The following CDH18 variants were observed in gnomAD, a reference collection of about 807,000 sequenced individuals.
CDH18 encodes the protein cadherin-18.
In CDH18, 31 loss-of-function variants were observed where a neutral mutation model predicts 67.9. That is an observed-to-expected ratio of 0.46 (90% CI 0.34 to 0.62). The LOEUF is 0.62. Among genes scored for constraint, CDH18 ranks in the 20% least tolerant of loss-of-function variants. The pLI, the probability that CDH18 is intolerant of heterozygous loss-of-function variation, is 0.01. For synonymous variants in CDH18, 362 were observed against 347.2 expected, an observed-to-expected ratio of 1.04 and a Z score of -0.48; for missense variants, 890 against 975.5, an observed-to-expected ratio of 0.91 and a Z score of 1.17.
intron 1 of CDH18, among the ~76,000 whole-genome samples, chr5:20,282,707 G>A (rs983316494): frequency 2.0e-5 from 3 of 152,024 alleles, no homozygotes; most frequent in Admixed American, 6.6e-5. Flanking sequence ...CCAGGCTTTG[G>A]TATCAGGATG....
intron 4 of CDH18, among the ~76,000 whole-genome samples, chr5:19,732,898 A>C (rs1422736488): frequency 6.6e-6 from 1 of 152,118 alleles, no homozygotes; most frequent in South Asian, 2.1e-4. Flanking sequence ...CAGGCTGTCA[A>C]ACTTTAAATG....
intron 9 of CDH18, among the ~76,000 whole-genome samples, chr5:19,541,210 C>A (rs974482439): frequency 2.0e-5 from 3 of 152,156 alleles, no homozygotes; most frequent in African/African-American, 7.2e-5. Flanking sequence ...GAGATCACAT[C>A]AGCCTGGACT....
chr5:20,471,706 G>A (rs1752087902), intron 1 of CDH18, among the ~76,000 whole-genome samples: 5 of 151,472 alleles, frequency 3.3e-5, no homozygotes, highest in Admixed American at 3.3e-4. Context: ...GGATGCTGAG[G>A]CAGGAGAATA....
chr5:19,743,442 G>A (rs896681527), intron 4 of CDH18, among the ~76,000 whole-genome samples: 1 of 151,984 alleles, frequency 6.6e-6, no homozygotes, highest in African/African-American at 2.4e-5. Flanking sequence ...GTGGGCCAGC[G>A]ATATGACCTT....
chr5:19,705,986 AAGC>A, intron 5 of CDH18, among the ~76,000 whole-genome samples: 1 of 152,152 alleles, frequency 6.6e-6, no homozygotes, highest in Non-Finnish European at 1.5e-5. Context: ...AGTAATGGTA[AAGC>A]TTCTTATTCT....
intron 2 of CDH18, among the ~76,000 whole-genome samples, chr5:19,848,654 T>G (rs1025674561): frequency 2.0e-5 from 3 of 151,918 alleles, no homozygotes; most frequent in Non-Finnish European, 4.4e-5. Context: ...TAAAAGTCAT[T>G]CTAGCTTCCA....
chr5:19,509,220 T>C (rs1379455213), intron 10 of CDH18, among the ~76,000 whole-genome samples: 2 of 152,026 alleles, frequency 1.3e-5, no homozygotes, highest in Non-Finnish European at 2.9e-5. Flanking sequence ...CGTTCTCACT[T>C]ATAAATGGAA....
intron 5 of CDH18, among the ~76,000 whole-genome samples, chr5:19,637,535 G>C (rs529860204): frequency 1.3e-5 from 2 of 152,186 alleles, no homozygotes; most frequent in South Asian, 4.2e-4. Flanking sequence ...CTTTAAACTA[G>C]CCAATGATTT....
At chr5:20,279,699 C>CAAAAAAAAAAAAAAAAAAAAAAAAA (rs1189257278) in intron 1 of CDH18, among the ~76,000 whole-genome samples, 1 of 13,600 alleles carries the variant, frequency 7.4e-5, no homozygotes, top group Non-Finnish European at 1.3e-4. Context: ...AGCTCTGTCT[C>CAAAAAAAAAAAAAAAAAAAAAAAAA]AAAAAAAAAA....
At chr5:20,006,409 G>A (rs1736908274) in intron 2 of CDH18, among the ~76,000 whole-genome samples, 2 of 151,958 alleles carry the variant, frequency 1.3e-5, no homozygotes, top group African/African-American at 2.4e-5. Flanking sequence ...TTAGGGAATG[G>A]AGCTTGAAGG....
intron 3 of CDH18, among the ~76,000 whole-genome samples, chr5:19,805,302 C>T (rs1321827925): frequency 1.3e-5 from 2 of 152,206 alleles, no homozygotes; most frequent in African/African-American, 4.8e-5. Context: ...TTGTTATCCA[C>T]GTCCTCCTTG....
intron 2 of CDH18, among the ~76,000 whole-genome samples, chr5:19,875,447 G>GATAGATAGATAGATAGATAGATCGATCC (rs1561488828): frequency 1.4e-5 from 2 of 147,820 alleles, no homozygotes; most frequent in East Asian, 2.0e-4. Flanking sequence ...TAGATCGATC[G>GATAGATAGATAGATAGATAGATCGATCC]ATCTATAGAT....
chr5:19,504,647 A>G (rs1018053892), intron 10 of CDH18, among the ~76,000 whole-genome samples: 1 of 152,112 alleles, frequency 6.6e-6, no homozygotes, highest in Non-Finnish European at 1.5e-5. Context: ...TTAAGCAGGC[A>G]TTGCATAGTC....
chr5:19,612,337 A>C, intron 6 of CDH18, 97 bp downstream of exon 6: 1 of 1,210,158 alleles, frequency 8.3e-7, no homozygotes, highest in Non-Finnish European at 1.2e-6. Context: ...GAACAATTCC[A>C]CTTAAGAAAA....
rs973881305 is a variant in CDH18, at chr5:19,844,301, T to A, written c.-256-5059A>T. On this transcript the variant is annotated intron_variant, in intron 2 of 12. Transcript: ENST00000382275. ...TTTGGGGGAGGGACCTCATAGAAGG[T>A]GACTAGATCCTGGGGACTAGTCCCC... is the stretch of plus-strand genomic sequence containing the variant. Among the ~76,000 whole-genome samples the A allele has an allele frequency of 3.9e-5, 6 of 152,144 alleles. No homozygotes were observed. In the East Asian group the frequency reaches 1.2e-3, roughly 29 times the overall value.
At chr5:20,428,043 G>C (rs1216870768) in intron 1 of CDH18, among the ~76,000 whole-genome samples, 1 of 150,662 alleles carries the variant, frequency 6.6e-6, no homozygotes, top group Admixed American at 6.6e-5. Flanking sequence ...CCATCATCTG[G>C]GTTTCAAGCC....
chr5:20,290,222 T>C (rs1747003133), intron 1 of CDH18, among the ~76,000 whole-genome samples: 1 of 152,124 alleles, frequency 6.6e-6, no homozygotes, highest in African/African-American at 2.4e-5. Flanking sequence ...TGGGGTGGTC[T>C]CAATTTAAGT....
chr5:19,969,700 G>T (rs1216138586), intron 2 of CDH18, among the ~76,000 whole-genome samples: 2 of 145,758 alleles, frequency 1.4e-5, no homozygotes, highest in Admixed American at 6.9e-5. Context: ...GTTGTGTGGT[G>T]GGGGGAGCGG....
At chr5:20,328,013 T>C (rs1738770904) in intron 1 of CDH18, among the ~76,000 whole-genome samples, 1 of 152,088 alleles carries the variant, frequency 6.6e-6, no homozygotes, top group Admixed American at 6.5e-5. Context: ...GCAAAAGTCC[T>C]GGGGAATAGA....
Sources: allele counts gnomAD v4.1 joint callset (sites outside exome capture counted in the v4.1 genomes callset), GRCh38; gene constraint gnomAD v4.1.1; transcripts MANE v1.5; gene names NCBI Gene and HGNC (gene_info 2026-07-23, HGNC 2026-07-21).